Variants in GAGE12C observed in about 807,000 individuals in gnomAD.
GAGE12C encodes G antigen 12B/C/D/E.
intron 4 of GAGE12C, among the ~76,000 whole-genome samples, chrX:49,538,228 T>TTTCA (rs2066545841): frequency 3.0e-5 from 1 of 33,524 alleles, no homozygotes; most frequent in African/African-American, 7.6e-5. Context: ...TTTTTTTTTC[T>TTTCA]TTTATTTATT....
chrX:49,538,419 CA>C (rs1325463324), intron 4 of GAGE12C, among the ~76,000 whole-genome samples: 1 of 25,147 alleles, frequency 4.0e-5, no homozygotes, highest in Non-Finnish European at 1.1e-4. Context: ...CCCCTCCCCC[CA>C]CCCGACAACA....
At chrX:49,534,141 TTGAC>T in intron 3 of GAGE12C, 140 bp downstream of exon 3, 1 of 47,985 alleles carries the variant, frequency 2.1e-5, no homozygotes, top group Non-Finnish European at 3.6e-5. Flanking sequence ...ATGCCTGAAA[TTGAC>T]TGGAAAAGCG....
intron 4 of GAGE12C, among the ~76,000 whole-genome samples, chrX:49,538,227 C>CTTTT (rs2066545831): frequency 3.0e-5 from 1 of 33,578 alleles, no homozygotes; most frequent in African/African-American, 7.5e-5. Flanking sequence ...CTTTTTTTTT[C>CTTTT]TTTTATTTAT....
chrX:49,538,217 C>CT (rs1169317284), intron 4 of GAGE12C, among the ~76,000 whole-genome samples: 3 of 26,863 alleles, frequency 1.1e-4, no homozygotes, highest in African/African-American at 2.7e-4. Flanking sequence ...ACAATTGCTT[C>CT]TTTTTTTTTC....
At position 49,539,344 on chromosome X, in the gene GAGE12C, T is replaced by C. The variant is rs1445540655; in HGVS notation, c.332-81T>C. Reference sequence around the variant, plus strand: ...AGTCCATTTAATAAAACCCAAAGTGTAGTGTGCTTTGTATGCCTTTAGGGT... The same window carrying C: ...AGTCCATTTAATAAAACCCAAAGTGCAGTGTGCTTTGTATGCCTTTAGGGT... On this transcript the variant is annotated intron_variant, in intron 4 of 4. Transcript: ENST00000420398. 6.3e-4 allele frequency: 2 copies of C among 3,163 alleles called. 1 individual carries two copies. Among genetic ancestry groups the C allele is most frequent in the African/African-American group, 8.7e-4 (2 of 2,303 alleles). 0.3% of individuals were successfully genotyped at this position (3,163 alleles called of 1,213,427 possible).
chrX:49,538,217 CT>C (rs1169317284), intron 4 of GAGE12C, among the ~76,000 whole-genome samples: 1,762 of 25,303 alleles, frequency 0.07, no homozygotes, highest in South Asian at 0.11. Flanking sequence ...ACAATTGCTT[CT>C]TTTTTTTTCT....
At chrX:49,538,268 A>ATTTG (rs1283874900) in intron 4 of GAGE12C, among the ~76,000 whole-genome samples, 4 of 27,951 alleles carry the variant, frequency 1.4e-4, no homozygotes, top group African/African-American at 3.6e-4. Context: ...TTATTTATTT[A>ATTTG]TTTATCATTA....
Sources: gnomAD v4.1 joint callset for allele counts (sites outside exome capture counted in the v4.1 genomes callset) on GRCh38, gnomAD v4.1.1 for gene constraint, MANE v1.5 for transcripts, NCBI Gene and HGNC (gene_info 2026-07-23, HGNC 2026-07-21) for gene names.